The following GMEB2 variants were observed in gnomAD, a reference collection of about 807,000 sequenced individuals.
The protein encoded by GMEB2 is glucocorticoid modulatory element binding protein 2.
Under a neutral mutation model 45.7 loss-of-function variants are expected in GMEB2, and 7 were observed. The ratio of observed to expected loss-of-function variants is 0.15; its 90% CI spans 0.09 to 0.29. The LOEUF (loss-of-function observed/expected upper bound fraction) is 0.29. Among genes scored for constraint, GMEB2 ranks in the 10% least tolerant of loss-of-function variants. GMEB2 has a pLI of 1.00. For synonymous variants in GMEB2, 322 were observed against 323.6 expected, an observed-to-expected ratio of 1.00 and a Z score of 0.05; for missense variants, 582 against 739.2, an observed-to-expected ratio of 0.79 and a Z score of 2.47.
intron 2 of GMEB2, among the ~76,000 whole-genome samples, chr20:63,606,691 T>C (rs1042131184): frequency 6.6e-6 from 1 of 152,038 alleles, no homozygotes; most frequent in Non-Finnish European, 1.5e-5. Context: ...GGTGGCAAAA[T>C]GCTTAAAACA....
At position 63,595,762 on chromosome 20, in the gene GMEB2, A is replaced by T. The variant is rs1473432308; in HGVS notation, c.467T>A (p.Ile156Asn). Residue 156 changes from isoleucine to asparagine, a missense_variant, in exon 6 of 10, where the codon ATC (isoleucine) becomes AAC (asparagine). By Grantham distance (149) the Ile-to-Asn change is moderately radical. Coordinates refer to ENST00000370077, the MANE Select transcript of GMEB2 (RefSeq NM_012384.5). ...GAAGTCCAGTTCCCCGGAGTCCATG[A>T]TCTTCCTGTGACAGACAGTGGCATG... ...IRMNGIMLRK[I>N]MDSGELDFYQ... 6.2e-7 allele frequency: 1 copy of T among 1,613,942 alleles called. No individual in the cohort carries two copies. The highest frequency in any genetic ancestry group is 8.5e-7 in the Non-Finnish European group (1 of 1,179,870).
At chr20:63,626,401 ATCGCGTCCCTGCGGG>A (rs2089672938) in intron 1 of GMEB2, among the ~76,000 whole-genome samples, 1 of 13,734 alleles carries the variant, frequency 7.3e-5, no homozygotes, top group African/African-American at 2.2e-4. Flanking sequence ...GCCCCTGGGG[ATCGCGTCCCTGCGGG>A]TCGGGTGCCT....
intron 3 of GMEB2, among the ~76,000 whole-genome samples, chr20:63,604,053 C>CAAA (rs34930799): frequency 7.3e-4 from 51 of 69,632 alleles, no homozygotes; most frequent in African/African-American, 3.0e-3. Flanking sequence ...GACTCCGTCT[C>CAAA]AAAAAAAAAA....
rs2083108997 is a variant in GMEB2, at chr20:63,587,991, CCCACGCTGGGGCTTGGAG to C, written c.*2080_*2097del. 1 of 152,410 alleles carries C rather than the reference CCCACGCTGGGGCTTGGAG, an allele frequency of 6.6e-6. No individual in the cohort carries two copies. The highest frequency in any genetic ancestry group is 2.4e-5 in the African/African-American group (1 of 41,472). 9.4% of individuals were successfully genotyped at this position (152,410 alleles called of 1,614,324 possible). A position where few individuals can be genotyped will look rare whatever the true frequency, so the allele number is the denominator to read the frequency against. ...GATGAGGGCTTCTCCAGGGCCCTTC[CCCACGCTGGGGCTTGGAG>C]CCCCTGCCAGAAGCAGCTGGGTTGG... On this transcript the variant is annotated 3_prime_UTR_variant, in exon 10 of 10. Transcript: ENST00000370077.
At chr20:63,610,706 C>G (rs1413468749) in intron 2 of GMEB2, among the ~76,000 whole-genome samples, 1 of 152,228 alleles carries the variant, frequency 6.6e-6, no homozygotes, top group Non-Finnish European at 1.5e-5. Context: ...CTCTCCACTG[C>G]TCCATAAGCC....
chr20:63,610,840 C>T (rs892895976), intron 2 of GMEB2, among the ~76,000 whole-genome samples: 1 of 152,212 alleles, frequency 6.6e-6, no homozygotes, highest in African/African-American at 2.4e-5. Context: ...CTCCACTTGA[C>T]TTTGGGCCAA....
chr20:63,592,771 C>T lies in GMEB2; in HGVS notation c.692-101G>A. The T allele has an allele frequency of 9.9e-7, 1 of 1,012,812 alleles. No homozygotes were observed. The highest frequency in any genetic ancestry group is 1.5e-6 in the Non-Finnish European group (1 of 646,112). 62.7% of individuals were successfully genotyped at this position (1,012,812 alleles called of 1,614,324 possible). A position where few individuals can be genotyped will look rare whatever the true frequency, so the allele number is the denominator to read the frequency against. On this transcript the variant is annotated intron_variant, in intron 7 of 9. Coordinates refer to ENST00000370077, the MANE Select transcript of GMEB2 (RefSeq NM_012384.5). The surrounding 1 kb of genome is among the most constrained non-coding windows in gnomAD (Gnocchi z 8.2). ...TCACCATAGCCACGAGGACACCATG[C>T]CAGAGCCGGCAGCGCCTGGCACTGT...
Position 63,592,022 on chromosome 20 carries a change from C to T in GMEB2, c.952G>A (p.Ala318Thr). The T allele has an allele frequency of 6.2e-7, 1 of 1,609,594 alleles. No homozygotes were observed. Among genetic ancestry groups the T allele is most frequent in the East Asian group, 2.2e-5 (1 of 44,850 alleles). ...SREQYARDLA[A>T]LEQQCDEHRR... Reference sequence around the variant, plus strand: ...CGGGACGGGGGTGGTCTCAGCATACCTGCCAGGTCCCGGGCGTACTGCTCC... The same window carrying T: ...CGGGACGGGGGTGGTCTCAGCATACTTGCCAGGTCCCGGGCGTACTGCTCC... The change falls in exon 9 of 10, where the codon GCC becomes ACC. Residue 318 changes from alanine to threonine, a missense_variant and splice_region_variant. Coordinates refer to ENST00000370077, the MANE Select transcript of GMEB2 (RefSeq NM_012384.5). This position sits in a 1 kb window ranked among gnomAD's most constrained non-coding sequence, Gnocchi z 8.2.
intron 1 of GMEB2, among the ~76,000 whole-genome samples, chr20:63,624,710 C>T (rs1331427643): frequency 1.3e-5 from 2 of 152,092 alleles, no homozygotes; most frequent in South Asian, 2.1e-4. Flanking sequence ...TGCATACATA[C>T]ATATATTCTT....
At chr20:63,605,488 A>G (rs1294642325) in intron 2 of GMEB2, among the ~76,000 whole-genome samples, 3 of 149,258 alleles carry the variant, frequency 2.0e-5, no homozygotes, top group Admixed American at 6.8e-5. Flanking sequence ...GTGTCACCGC[A>G]CTCCAGCCTG....
rs1199532246 is a variant in GMEB2, at chr20:63,593,773, G to A, written c.620-691C>T. Among the ~76,000 whole-genome samples the A allele has an allele frequency of 6.6e-6, 1 of 152,178 alleles. No individual in the cohort carries two copies. Among genetic ancestry groups the A allele is most frequent in the South Asian group, 2.1e-4 (1 of 4,832 alleles). ...GTGGTGGCTCACGCCTGTAATCCAGGCACTTTGGGAGACTGAGGCGGGTGG... is the reference window on the plus strand; with the variant it reads ...GTGGTGGCTCACGCCTGTAATCCAGACACTTTGGGAGACTGAGGCGGGTGG... On this transcript the variant is annotated intron_variant, in intron 6 of 9. Coordinates refer to ENST00000370077, the MANE Select transcript of GMEB2 (RefSeq NM_012384.5). The surrounding 1 kb of genome is among the most constrained non-coding windows in gnomAD (Gnocchi z 4.7).
At chr20:63,624,102 CCT>C (rs936807936) in intron 1 of GMEB2, among the ~76,000 whole-genome samples, 6 of 147,794 alleles carry the variant, frequency 4.1e-5, no homozygotes, top group African/African-American at 7.5e-5. Context: ...AGAGCAAGAC[CCT>C]GTCTCAGAAA....
rs1368408772 is a variant in GMEB2, at chr20:63,593,557, A to G, written c.620-475T>C. Among the ~76,000 whole-genome samples, 2 of 151,932 alleles carry G rather than the reference A, an allele frequency of 1.3e-5. No individual in the cohort carries two copies. Among genetic ancestry groups the G allele is most frequent in the African/African-American group, 4.8e-5 (2 of 41,322 alleles). On this transcript the variant is annotated intron_variant, in intron 6 of 9. Coordinates refer to ENST00000370077, the MANE Select transcript of GMEB2 (RefSeq NM_012384.5). This position sits in a 1 kb window ranked among gnomAD's most constrained non-coding sequence, Gnocchi z 4.7. ...GTCATCATAAATCTCAGTATCTATC[A>G]TGTTTCCATTTTTCTACACCAGAAC...
intron 6 of GMEB2, among the ~76,000 whole-genome samples, chr20:63,594,832 T>C (rs1414397498): frequency 1.3e-5 from 2 of 152,168 alleles, no homozygotes; most frequent in Non-Finnish European, 2.9e-5. Context: ...CACTGCAACC[T>C]CCGCCTCCTG....
At chr20:63,607,376 T>C (rs1333523573) in intron 2 of GMEB2, among the ~76,000 whole-genome samples, 11 of 17,118 alleles carry the variant, frequency 6.4e-4, no homozygotes, top group East Asian at 2.7e-3. Context: ...CTGACCCACC[T>C]CCATTTCTAG....
chr20:63,611,936 G>C (rs1433171957), intron 2 of GMEB2, among the ~76,000 whole-genome samples: 5 of 151,708 alleles, frequency 3.3e-5, no homozygotes, highest in Admixed American at 6.6e-5. Flanking sequence ...TGCCTGTAGA[G>C]TCCCAGCTAC....
chr20:63,617,326 C>G (rs768600329), intron 2 of GMEB2, among the ~76,000 whole-genome samples: 4 of 152,150 alleles, frequency 2.6e-5, no homozygotes, highest in Non-Finnish European at 5.9e-5. Flanking sequence ...CTCTCCCTCC[C>G]TCTCCATCAT....
chr20:63,621,344 G>A (rs2089641227), intron 1 of GMEB2, among the ~76,000 whole-genome samples: 1 of 152,218 alleles, frequency 6.6e-6, no homozygotes, highest in Admixed American at 6.5e-5. Flanking sequence ...CACAATCACT[G>A]TGGCTGTTCT....
intron 4 of GMEB2, among the ~76,000 whole-genome samples, chr20:63,599,570 C>T (rs1000613544): frequency 2.6e-5 from 4 of 152,366 alleles, no homozygotes; most frequent in Admixed American, 2.6e-4. Flanking sequence ...TCTGCTCCTG[C>T]GCTGCTTTCG....
Sources: allele counts gnomAD v4.1 joint callset (sites outside exome capture counted in the v4.1 genomes callset), GRCh38; gene constraint gnomAD v4.1.1; non-coding constraint Gnocchi (gnomAD v3.1); transcripts MANE v1.5; gene names NCBI Gene and HGNC (gene_info 2026-07-23, HGNC 2026-07-21).